The following PPP2R2D variants were observed in gnomAD, a reference collection of about 807,000 sequenced individuals.
PPP2R2D encodes the protein serine/threonine-protein phosphatase 2A 55 kDa regulatory subunit B delta isoform.
Under a neutral mutation model 31.1 loss-of-function variants are expected in PPP2R2D, and 9 were observed. That is an observed-to-expected ratio of 0.29 (90% confidence interval 0.17 to 0.51). The LOEUF is 0.51. Among genes scored for constraint, PPP2R2D ranks in the 20% least tolerant of loss-of-function variants. The pLI is 0.98. For synonymous variants in PPP2R2D, 179 were observed against 172.6 expected (o/e 1.04, Z -0.29); for missense variants, 391 against 465.6 (o/e 0.84, Z 1.48).
intron 2 of PPP2R2D, chr10:131,912,392 G>A (rs1238713574): frequency 6.6e-6 from 1 of 152,184 alleles, no homozygotes; most frequent in African/African-American, 2.4e-5. Context: ...TTGCTGTGTT[G>A]CCCAGGATGG....
At chr10:131,918,187 A>T (rs1485534526) in intron 2 of PPP2R2D, among the ~76,000 whole-genome samples, 4 of 145,596 alleles carry the variant, frequency 2.7e-5, no homozygotes, top group Non-Finnish European at 6.0e-5. Context: ...GTGGAATGGC[A>T]CAGCGTTTGT....
chr10:131,933,786 C>T (rs547925761), intron 2 of PPP2R2D, among the ~76,000 whole-genome samples: 19 of 152,260 alleles, frequency 1.2e-4, no homozygotes, highest in Non-Finnish European at 2.2e-4. Flanking sequence ...TGAGGACTTT[C>T]TCACTGCTTA....
chr10:131,924,391 C>T, intron 2 of PPP2R2D, among the ~76,000 whole-genome samples: 1 of 151,828 alleles, frequency 6.6e-6, no homozygotes, highest in East Asian at 1.9e-4. Context: ...TTTTCTTTTG[C>T]ATGTGGATAT....
intron 2 of PPP2R2D, among the ~76,000 whole-genome samples, chr10:131,910,919 G>A (rs1481291107): frequency 6.6e-6 from 1 of 152,200 alleles, no homozygotes; most frequent in Non-Finnish European, 1.5e-5. Flanking sequence ...ATAGCTTCCA[G>A]ATGTTTCTGG....
At position 131,947,648 on chromosome 10, in the gene PPP2R2D, G is replaced by C; in HGVS notation, c.939G>C (p.Ser313=). Residue 313 remains serine, a synonymous_variant, in exon 8 of 9, where the codon TCG becomes TCC. Transcript: ENST00000455566. This position sits in a 1 kb window ranked among gnomAD's most constrained non-coding sequence, Gnocchi z 4.3. ...ACATGATGACCAGAGACTACCTGTC[G>C]GTGAAGGTGTGGGACCTCAACATGG... ...GRYMMTRDYL[S]VKVWDLNMES... is the part of the protein sequence containing the mutation. 2.5e-6 allele frequency: 4 copies of C among 1,614,204 alleles called. No homozygotes were observed. In the South Asian group the frequency reaches 4.4e-5, roughly 18 times the overall value.
intron 2 of PPP2R2D, among the ~76,000 whole-genome samples, chr10:131,932,667 A>AC (rs1335123847): frequency 2.3e-5 from 3 of 133,176 alleles, no homozygotes; most frequent in East Asian, 2.1e-4. Context: ...AAAAAAAAAA[A>AC]ACACACAAAA....
chr10:131,923,785 C>A (rs1438077445), intron 2 of PPP2R2D, among the ~76,000 whole-genome samples: 3 of 152,032 alleles, frequency 2.0e-5, no homozygotes, highest in African/African-American at 4.8e-5. Flanking sequence ...ATTTTAGAGA[C>A]AGGGTCTTGC....
intron 8 of PPP2R2D, among the ~76,000 whole-genome samples, chr10:131,955,124 GGTATT>G (rs1203197209): frequency 6.6e-6 from 1 of 152,188 alleles, no homozygotes; most frequent in African/African-American, 2.4e-5. Context: ...AAGCATGGAC[GGTATT>G]GTATTGTCTG....
At chr10:131,965,842 T>A in the PPP2R2D span, among the ~76,000 whole-genome samples, 130 of 152,322 alleles carry the variant, frequency 8.5e-4, 1 homozygote, top group African/African-American at 3.0e-3. Context: ...TTTTGCACTG[T>A]GTTTTACTTC....
intron 2 of PPP2R2D, among the ~76,000 whole-genome samples, chr10:131,931,627 C>T (rs1471328070): frequency 6.6e-6 from 1 of 152,202 alleles, no homozygotes; most frequent in Non-Finnish European, 1.5e-5. Context: ...GGATTACAGG[C>T]ATGAGCCACT....
downstream of PPP2R2D, among the ~76,000 whole-genome samples, chr10:131,961,157 G>A (rs572417399): frequency 3.3e-5 from 5 of 152,278 alleles, no homozygotes; most frequent in East Asian, 3.9e-4. Flanking sequence ...GCCCGCGGCC[G>A]ACGCTTCCCC....
At chr10:131,927,459 G>A (rs192998155) in intron 2 of PPP2R2D, among the ~76,000 whole-genome samples, 6 of 152,280 alleles carry the variant, frequency 3.9e-5, no homozygotes, top group East Asian at 3.9e-4. Flanking sequence ...GCTTGGCGGC[G>A]GTGAGAGTCC....
At position 131,932,646 on chromosome 10, in the gene PPP2R2D, C is replaced by CAAAAAAAAAAAAAAAAAAAAAAAAAA. The variant is rs368610703; in HGVS notation, c.101-1790_101-1789insAAAAAAAAAAAAAAAAAAAAAAAAAA. Among the ~76,000 whole-genome samples the CAAAAAAAAAAAAAAAAAAAAAAAAAA allele has an allele frequency of 5.0e-4, 29 of 57,856 alleles. 2 individuals carry two copies. Among genetic ancestry groups the CAAAAAAAAAAAAAAAAAAAAAAAAAA allele is most frequent in the South Asian group, 9.1e-4 (1 of 1,098 alleles). The allele number at this position is 57,856 out of a possible 152,430, so 38.0% of individuals were successfully genotyped here. A position where few individuals can be genotyped will look rare whatever the true frequency, so the allele number is the denominator to read the frequency against. On this transcript the variant is annotated intron_variant, in intron 2 of 8. Coordinates refer to ENST00000455566, the MANE Select transcript of PPP2R2D (RefSeq NM_018461.5). ...CGCGCCACTGTACTCCAGCCTGTCT[C>CAAAAAAAAAAAAAAAAAAAAAAAAAA]AAAAAAAAAAAAAAAAAAAAAACAC... is the stretch of plus-strand genomic sequence containing the variant.
At chr10:131,906,360 A>C (rs1166771927) in intron 2 of PPP2R2D, among the ~76,000 whole-genome samples, 1 of 152,208 alleles carries the variant, frequency 6.6e-6, no homozygotes, top group Non-Finnish European at 1.5e-5. Flanking sequence ...TGCTTTAATC[A>C]GTTTCTTAAT....
intron 2 of PPP2R2D, among the ~76,000 whole-genome samples, chr10:131,927,114 C>T (rs902155146): frequency 6.6e-6 from 1 of 152,256 alleles, no homozygotes; most frequent in South Asian, 2.1e-4. Context: ...TGGCTGTTCT[C>T]TTTTGGGTTC....
chr10:131,970,821 CCTCTGT>C, the PPP2R2D span: 1 of 1,614,226 alleles, frequency 6.2e-7, no homozygotes, highest in South Asian at 1.1e-5. The surrounding 1 kb of genome is among the most constrained non-coding windows in gnomAD (Gnocchi z 4.1). Context: ...GCTGATGTGT[CCTCTGT>C]CAAGGGGTGC....
chr10:131,967,549 G>A, the PPP2R2D span: 1 of 152,416 alleles, frequency 6.6e-6, no homozygotes, highest in Admixed American at 6.5e-5. Context: ...GCGTGGAAAG[G>A]TGAAACATCA....
intron 8 of PPP2R2D, among the ~76,000 whole-genome samples, chr10:131,953,043 T>C (rs113431405): frequency 1.0e-5 from 1 of 97,700 alleles, no homozygotes; most frequent in East Asian, 3.5e-4. Flanking sequence ...GTGCAGGGGG[T>C]TTCACTGTCT....
chr10:131,955,653 GA>G, intron 8 of PPP2R2D, 30 bp from the exon 9 acceptor site: 6 of 1,373,302 alleles, frequency 4.4e-6, no homozygotes, highest in African/African-American at 1.5e-5. Flanking sequence ...CCCCACTGAG[GA>G]GTGCTGCTGT....
Sources: allele counts gnomAD v4.1 joint callset (sites outside exome capture counted in the v4.1 genomes callset), GRCh38; gene constraint gnomAD v4.1.1; non-coding constraint Gnocchi (gnomAD v3.1); transcripts MANE v1.5; gene names NCBI Gene and HGNC (gene_info 2026-07-23, HGNC 2026-07-21).